Variants in NBR1 observed in about 807,000 individuals in gnomAD.
NBR1 encodes the protein NBR1 autophagy cargo receptor.
A neutral mutation model predicts 115.5 loss-of-function variants in NBR1; 59 were observed. The observed-to-expected ratio is 0.51, with a 90% CI of 0.41 to 0.63. The LOEUF is 0.63. Ranked by LOEUF, NBR1 falls within the 30% of genes least tolerant of loss-of-function variation. The pLI, the probability that NBR1 is intolerant of heterozygous loss-of-function variation, is 0.00. For missense variants in NBR1, 1,043 were observed against 1,150.5 expected, an observed-to-expected ratio of 0.91 and a Z score of 1.35; for synonymous variants, 373 against 414.7, an observed-to-expected ratio of 0.90 and a Z score of 1.22.
chr17:43,190,269 C>A, intron 8 of NBR1: 1 of 347,812 alleles, frequency 2.9e-6, no homozygotes, highest in Non-Finnish European at 5.5e-6. Flanking sequence ...TGGGGTCTCC[C>A]TATATTGCCC....
chr17:43,198,167 C>CAA (rs1034162744), intron 16 of NBR1, among the ~76,000 whole-genome samples: 4 of 101,898 alleles, frequency 3.9e-5, no homozygotes, highest in Admixed American at 3.1e-4. Flanking sequence ...AACTCCGTCT[C>CAA]AAAAAAAAAA....
At chr17:43,207,869 A>G (rs1168325365) in intron 20 of NBR1, among the ~76,000 whole-genome samples, 1 of 152,206 alleles carries the variant, frequency 6.6e-6, no homozygotes, top group East Asian at 1.9e-4. Context: ...CATCCAGATC[A>G]CAGGGGAGGG....
At chr17:43,193,715 CA>C in intron 12 of NBR1, 77 bp downstream of exon 12, 1 of 1,440,594 alleles carries the variant, frequency 6.9e-7, no homozygotes, top group Non-Finnish European at 9.3e-7. Context: ...TAAAAGAACC[CA>C]CTCATAGCTG....
intron 5 of NBR1, 78 bp from the exon 6 acceptor site, chr17:43,186,172 T>C: frequency 8.0e-7 from 1 of 1,257,558 alleles, no homozygotes; most frequent in East Asian, 2.6e-5. Flanking sequence ...CACACTCTTC[T>C]GTTTTGATGT....
At chr17:43,198,528 C>CTG (rs2057118716) in intron 16 of NBR1, among the ~76,000 whole-genome samples, 1 of 151,886 alleles carries the variant, frequency 6.6e-6, no homozygotes, top group African/African-American at 2.4e-5. Context: ...TAGCGTGTGC[C>CTG]TGTGATCCAG....
At chr17:43,185,553 T>C (rs1286339185) in intron 5 of NBR1, among the ~76,000 whole-genome samples, 1 of 151,856 alleles carries the variant, frequency 6.6e-6, no homozygotes, top group Non-Finnish European at 1.5e-5. Context: ...ACAAAAACCT[T>C]AGCCAGGTGT....
Position 43,193,254 on chromosome 17 carries a change from G to C in NBR1, c.1233+1G>C. 1 of 1,613,880 alleles carries C rather than the reference G, an allele frequency of 6.2e-7. No homozygotes were observed. The highest frequency in any genetic ancestry group is 8.5e-7 in the Non-Finnish European group (1 of 1,179,820). ...TGTAAAGTGGAGTGCAGACACAAAG[G>C]TAATTTTTCCCACAAAATGCAAAGA... On this transcript the variant is annotated splice_donor_variant, in intron 11 of 20. Coordinates refer to ENST00000590996, the MANE Select transcript of NBR1 (RefSeq NM_005899.5). LOFTEE classifies it high-confidence loss of function.
chr17:43,170,523 A>C (rs187489135), upstream of NBR1: 1 of 153,524 alleles, frequency 6.5e-6, no homozygotes, highest in African/African-American at 2.4e-5. Flanking sequence ...CTGAGGCCTG[A>C]ATATCAGCGT....
intron 5 of NBR1, among the ~76,000 whole-genome samples, chr17:43,181,941 G>A (rs1567848587): frequency 6.7e-6 from 1 of 150,294 alleles, no homozygotes; most frequent in East Asian, 1.9e-4. Context: ...CTGAGATCAC[G>A]CCATTGCACT....
In NBR1 at chr17:43,210,348, T is replaced by G. The variant is rs1410693467; in HGVS notation, c.*274T>G. ...TTTTAGTGCATTGACAAGTGTAACT[T>G]CAACTTCATATAGAACCATTTTTCT... is the stretch of plus-strand genomic sequence containing the variant. On this transcript the variant is annotated 3_prime_UTR_variant, in exon 21 of 21. Transcript: ENST00000590996. 2.5e-6 allele frequency: 1 copy of G among 392,704 alleles called. No individual in the cohort carries two copies. The highest frequency in any genetic ancestry group is 4.5e-6 in the Non-Finnish European group (1 of 223,012). The allele number at this position is 392,704 out of a possible 1,614,324, so 24.3% of individuals were successfully genotyped here. A position where few individuals can be genotyped will look rare whatever the true frequency, so the allele number is the denominator to read the frequency against.
At chr17:43,195,252 C>T in intron 14 of NBR1, 2 of 533,026 alleles carry the variant, frequency 3.8e-6, no homozygotes, top group East Asian at 3.5e-5. Flanking sequence ...TCTATAATCC[C>T]AGCTCTTTGG....
At chr17:43,206,035 A>G (rs1307320603) in intron 20 of NBR1, among the ~76,000 whole-genome samples, 4 of 151,242 alleles carry the variant, frequency 2.6e-5, no homozygotes, top group African/African-American at 7.3e-5. Flanking sequence ...AAAATTAGCT[A>G]GGCGTGGTGA....
chr17:43,202,583 G>C, intron 18 of NBR1, 72 bp from the exon 19 acceptor site: 1 of 1,081,550 alleles, frequency 9.2e-7, no homozygotes. Flanking sequence ...CTCAATAATA[G>C]CCTTGCTGTG....
At chr17:43,180,868 G>A in intron 5 of NBR1, 51 bp downstream of exon 5, 1 of 1,336,590 alleles carries the variant, frequency 7.5e-7, no homozygotes, top group Non-Finnish European at 9.7e-7. Context: ...TATTATTATG[G>A]GTTGGTTTTT....
At chr17:43,201,496 C>CTG (rs1362874144) in intron 17 of NBR1, among the ~76,000 whole-genome samples, 190 bp from the exon 18 acceptor site, 1 of 152,188 alleles carries the variant, frequency 6.6e-6, no homozygotes, top group Non-Finnish European at 1.5e-5. Context: ...TCTAGCTTGC[C>CTG]TGTGGCTAAA....
chr17:43,206,885 A>G (rs1233195761), intron 20 of NBR1, among the ~76,000 whole-genome samples: 2 of 152,158 alleles, frequency 1.3e-5, no homozygotes, highest in African/African-American at 4.8e-5. Context: ...CAACATAGTG[A>G]AACCTTATCT....
chr17:43,170,708 CTG>C (rs1439970412), upstream of NBR1: 2 of 152,318 alleles, frequency 1.3e-5, no homozygotes, highest in Non-Finnish European at 2.9e-5. Context: ...TCCTTGGAAA[CTG>C]TAGTCTTATG....
chr17:43,209,890 T>C lies in NBR1; in HGVS notation c.2728-11T>C. On this transcript the variant is annotated splice_polypyrimidine_tract_variant and intron_variant, in intron 20 of 20. Coordinates refer to ENST00000590996, the MANE Select transcript of NBR1 (RefSeq NM_005899.5). ...TTTTTTTTTTTTTTTGCTTTGCTTGTCTCTACACAGCCAATAATTTCTGAA... is the reference window on the plus strand; with the variant it reads ...TTTTTTTTTTTTTTTGCTTTGCTTGCCTCTACACAGCCAATAATTTCTGAA... 1 of 1,494,274 alleles carries C rather than the reference T, an allele frequency of 6.7e-7. No homozygotes were observed. Among genetic ancestry groups the C allele is most frequent in the South Asian group, 1.4e-5 (1 of 73,634 alleles). 92.6% of individuals were successfully genotyped at this position (1,494,274 alleles called of 1,614,324 possible). A position where few individuals can be genotyped will look rare whatever the true frequency, so the allele number is the denominator to read the frequency against.
At position 43,194,396 on chromosome 17, in the gene NBR1, C is replaced by G. The variant is rs1261040031; in HGVS notation, c.1571C>G (p.Thr524Ser). ...AKEERQLGEV[T>S]EQTEGTAACI... The stretch of plus-strand genomic sequence containing the variant: ...GAAGAAAGACAGCTTGGTGAAGTGA[C>G]TGAGCAGACAGAAGGGACAGCAGCC... Residue 524 changes from threonine to serine, a missense_variant, in exon 13 of 21, where the codon ACT becomes AGT. By Grantham distance (58) the Thr-to-Ser change is moderately conservative. Transcript: ENST00000590996. The G allele has an allele frequency of 6.2e-7, 1 of 1,613,920 alleles. No individual in the cohort carries two copies. The highest frequency in any genetic ancestry group is 1.1e-5 in the South Asian group (1 of 91,072).
Sources: allele counts gnomAD v4.1 joint callset (sites outside exome capture counted in the v4.1 genomes callset), GRCh38; gene constraint gnomAD v4.1.1; transcripts MANE v1.5; gene names NCBI Gene and HGNC (gene_info 2026-07-23, HGNC 2026-07-21).